The following EML6 variants were observed in gnomAD, a reference collection of about 807,000 sequenced individuals.
The protein encoded by EML6 is echinoderm microtubule-associated protein-like 6.
A neutral mutation model predicts 240.1 loss-of-function variants in EML6; 154 were observed. The observed-to-expected ratio is 0.64, with a 90% CI of 0.56 to 0.73. The LOEUF is 0.73. Among genes scored for constraint, EML6 ranks in the 30% least tolerant of loss-of-function variants. EML6 has a pLI of 0.00. For synonymous variants in EML6, 1,148 were observed against 899.0 expected, an observed-to-expected ratio of 1.28 and a Z score of -4.95; for missense variants, 2,964 against 2,474.6, an observed-to-expected ratio of 1.20 and a Z score of -4.20.
chr2:54,767,597 A>AGTGTGTGTGTGTGTGT (rs111232633), intron 2 of EML6, among the ~76,000 whole-genome samples: 23 of 145,616 alleles, frequency 1.6e-4, no homozygotes, highest in Middle Eastern at 3.4e-3. Flanking sequence ...TGGTATGAAG[A>AGTGTGTGTGTGTGTGT]GTGTGTGTGT....
At chr2:54,911,354 T>C (rs1673629055) in intron 25 of EML6, among the ~76,000 whole-genome samples, 1 of 152,240 alleles carries the variant, frequency 6.6e-6, no homozygotes, top group Non-Finnish European at 1.5e-5. Context: ...GTGCAAAGCT[T>C]TTTATGAACA....
At chr2:54,800,115 C>T (rs1057372249) in intron 2 of EML6, among the ~76,000 whole-genome samples, 5 of 152,140 alleles carry the variant, frequency 3.3e-5, no homozygotes, top group East Asian at 1.9e-4. Context: ...TGTGGTGGCA[C>T]ACGCCTGTAA....
intron 10 of EML6, among the ~76,000 whole-genome samples, chr2:54,851,319 G>T (rs182453055): frequency 6.6e-6 from 1 of 152,102 alleles, no homozygotes. Context: ...AGGCTAAGGC[G>T]GCAGAATTGC....
intron 2 of EML6, among the ~76,000 whole-genome samples, chr2:54,758,139 C>T (rs115836278): frequency 6.6e-6 from 1 of 152,086 alleles, no homozygotes; most frequent in East Asian, 1.9e-4. Context: ...CATGTGATAT[C>T]TACACCTTCA....
intron 22 of EML6, among the ~76,000 whole-genome samples, chr2:54,901,557 C>G (rs1193941552): frequency 6.6e-6 from 1 of 152,196 alleles, no homozygotes; most frequent in Non-Finnish European, 1.5e-5. Context: ...CCAGTTTACC[C>G]CTGTTGTTCT....
Position 54,928,655 on chromosome 2 carries a change from C to A in EML6, c.3908C>A (p.Ala1303Asp), listed in dbSNP as rs1272691303. The change falls in exon 28 of 42, where the codon GCC becomes GAC. Residue 1303 changes from alanine (A) to aspartate (D), a missense_variant. Ala to Asp is a moderately radical substitution (Grantham distance 126). Coordinates refer to ENST00000356458, the MANE Select transcript of EML6 (RefSeq NM_001039753.4). ...GYDSDVAREK[A>D]IDYTTKIYAV... ...GACAGCGATGTTGCTAGAGAAAAGG[C>A]CATTGACTACACCACCAAGATTTAT... 2.0e-5 allele frequency: 31 copies of A among 1,551,888 alleles called. No homozygotes were observed. In the Admixed American group the frequency reaches 5.9e-4, roughly 29 times the overall value.
At chr2:54,931,564 A>C (rs1005391843) in intron 28 of EML6, among the ~76,000 whole-genome samples, 10 of 152,154 alleles carry the variant, frequency 6.6e-5, no homozygotes, top group African/African-American at 2.4e-4. Flanking sequence ...TTTCTTTGGC[A>C]ACTTCAAGCC....
At chr2:54,760,399 C>A (rs564731000) in intron 2 of EML6, among the ~76,000 whole-genome samples, 6 of 152,188 alleles carry the variant, frequency 3.9e-5, no homozygotes, top group Admixed American at 2.0e-4. Flanking sequence ...TACATAAATT[C>A]CCCTATTGAC....
chr2:54,934,185 A>G (rs2104416542), intron 28 of EML6, among the ~76,000 whole-genome samples: 1 of 152,328 alleles, frequency 6.6e-6, no homozygotes, highest in African/African-American at 2.4e-5. Context: ...TTCAAAACAT[A>G]CACATATGGA....
At chr2:54,775,708 T>C (rs1390613559) in intron 2 of EML6, among the ~76,000 whole-genome samples, 1 of 152,194 alleles carries the variant, frequency 6.6e-6, no homozygotes, top group East Asian at 1.9e-4. Flanking sequence ...GCTTCAAGCA[T>C]GCACTCCACA....
At chr2:54,847,741 A>ATCGTCG in intron 9 of EML6, 118 bp downstream of exon 9, 1 of 1,036,730 alleles carries the variant, frequency 9.6e-7, no homozygotes, top group Non-Finnish European at 1.4e-6. Flanking sequence ...TTCAAATAGG[A>ATCGTCG]ATACTATAGA....
chr2:54,854,896 A>G (rs1477654959), intron 11 of EML6, among the ~76,000 whole-genome samples: 3 of 152,192 alleles, frequency 2.0e-5, no homozygotes, highest in African/African-American at 7.2e-5. Context: ...GCAGGGGGTA[A>G]GTTAGGCCTC....
intron 12 of EML6, among the ~76,000 whole-genome samples, chr2:54,860,431 C>G (rs949089215): frequency 6.6e-6 from 1 of 152,146 alleles, no homozygotes; most frequent in African/African-American, 2.4e-5. Flanking sequence ...GTTTATGACA[C>G]ATTTCCGGAG....
chr2:54,946,047 C>T (rs984339772), intron 28 of EML6, among the ~76,000 whole-genome samples: 2 of 152,238 alleles, frequency 1.3e-5, no homozygotes, highest in East Asian at 3.8e-4. Flanking sequence ...TTCCTGCCTT[C>T]ACTCTGTCTT....
intron 2 of EML6, among the ~76,000 whole-genome samples, chr2:54,775,361 T>C (rs978323375): frequency 6.6e-6 from 1 of 152,174 alleles, no homozygotes; most frequent in African/African-American, 2.4e-5. Context: ...ATTTCTCAGA[T>C]AAACCAAGCA....
chr2:54,881,174 G>C (rs1671788905), intron 17 of EML6: 1 of 152,024 alleles, frequency 6.6e-6, no homozygotes, highest in Non-Finnish European at 1.5e-5. Flanking sequence ...TTCCAAGCAG[G>C]AATATCAAGG....
chr2:54,726,599 A>T (rs1330336127), intron 2 of EML6, among the ~76,000 whole-genome samples: 2 of 152,186 alleles, frequency 1.3e-5, no homozygotes, highest in Non-Finnish European at 2.9e-5. Flanking sequence ...AACTTTTTTC[A>T]TGTCACGTAT....
intron 7 of EML6, among the ~76,000 whole-genome samples, chr2:54,843,509 G>C (rs886147888): frequency 6.6e-6 from 1 of 152,118 alleles, no homozygotes; most frequent in Non-Finnish European, 1.5e-5. Flanking sequence ...TTGCAAACTA[G>C]ATTACAAGGG....
intron 26 of EML6, among the ~76,000 whole-genome samples, chr2:54,927,660 G>T (rs1163522830): frequency 6.6e-6 from 1 of 152,116 alleles, no homozygotes; most frequent in Non-Finnish European, 1.5e-5. Context: ...CTCCACCCGG[G>T]GATAAAGGTG....
Sources: gnomAD v4.1 joint callset for allele counts (sites outside exome capture counted in the v4.1 genomes callset) on GRCh38, gnomAD v4.1.1 for gene constraint, MANE v1.5 for transcripts, NCBI Gene and HGNC (gene_info 2026-07-23, HGNC 2026-07-21) for gene names.